Variants in ANKRD10 observed in about 807,000 individuals in gnomAD.
The protein encoded by ANKRD10 is ankyrin repeat domain 10, also known as ankyrin repeat domain-containing protein 10.
In ANKRD10, 14 loss-of-function variants were observed where a neutral mutation model predicts 27.0. The ratio of observed to expected loss-of-function variants is 0.52; its 90% CI spans 0.34 to 0.81. The LOEUF is 0.81. Among genes scored for constraint, ANKRD10 ranks in the 40% least tolerant of loss-of-function variants. The probability of loss-of-function intolerance (pLI) is 0.01; values close to 1 mark genes in which losing one functional copy is unlikely to be tolerated. For synonymous variants in ANKRD10, 250 were observed against 224.5 expected (o/e 1.11, Z -1.01); for missense variants, 493 against 544.0 (o/e 0.91, Z 0.93).
In ANKRD10 at chr13:110,880,069, T is replaced by G. The variant is rs570992556; in HGVS notation, c.831A>C (p.Gly277=). ...AGTCCAAATGTCCATTGATGACACATCCATTTGTCAATGTATTCGATACGG... is the reference window on the plus strand; with the variant it reads ...AGTCCAAATGTCCATTGATGACACAGCCATTTGTCAATGTATTCGATACGG... ...SSSVSNTLTN[G]CVINGHLDFP... The change falls in exon 6 of 6, where the codon GGA becomes GGC. Residue 277 remains glycine, a synonymous_variant. Coordinates refer to ENST00000267339, the MANE Select transcript of ANKRD10 (RefSeq NM_017664.4). 1 of 1,614,052 alleles carries G rather than the reference T, an allele frequency of 6.2e-7. No individual in the cohort carries two copies. The highest frequency in any genetic ancestry group is 1.3e-5 in the African/African-American group (1 of 74,920).
intron 5 of ANKRD10, among the ~76,000 whole-genome samples, chr13:110,882,153 C>A (rs1350117115): frequency 6.6e-6 from 1 of 152,190 alleles, no homozygotes; most frequent in African/African-American, 2.4e-5. Flanking sequence ...GGACACTTGA[C>A]CCTCCCGAGT....
chr13:110,907,876 T>C (rs1371173882), intron 2 of ANKRD10, among the ~76,000 whole-genome samples: 1 of 149,998 alleles, frequency 6.7e-6, no homozygotes, highest in East Asian at 2.0e-4. Flanking sequence ...AGAAAAAGGC[T>C]AAAAAGGAAA....
At chr13:110,887,191 C>A (rs888274226) in intron 4 of ANKRD10, among the ~76,000 whole-genome samples, 6 of 152,200 alleles carry the variant, frequency 3.9e-5, no homozygotes, top group African/African-American at 4.8e-5. Context: ...AAACGGTCTG[C>A]ATTTGTATTT....
intron 4 of ANKRD10, among the ~76,000 whole-genome samples, chr13:110,887,472 G>A (rs1367941061): frequency 1.3e-5 from 2 of 152,146 alleles, no homozygotes; most frequent in African/African-American, 4.8e-5. Flanking sequence ...GTAATTGCCA[G>A]GCATGCCTGC....
At chr13:110,897,488 T>C (rs557473164) in intron 3 of ANKRD10, among the ~76,000 whole-genome samples, 3 of 152,156 alleles carry the variant, frequency 2.0e-5, no homozygotes, top group Admixed American at 1.3e-4. Flanking sequence ...TGTGCCTGGC[T>C]TACTTAACAT....
intron 1 of ANKRD10, 178 bp downstream of exon 1, chr13:110,914,547 C>G: frequency 1.1e-6 from 1 of 891,874 alleles, no homozygotes; most frequent in East Asian, 3.5e-5. Context: ...CCCGCCGCGA[C>G]TCCGGGCCGC....
At chr13:110,903,995 G>C (rs539086917) in intron 3 of ANKRD10, 3 of 152,292 alleles carry the variant, frequency 2.0e-5, no homozygotes, top group African/African-American at 7.2e-5. Context: ...CACGTTGGTG[G>C]ACTAAATGGG....
intron 3 of ANKRD10, among the ~76,000 whole-genome samples, chr13:110,902,695 C>G (rs2065418545): frequency 6.6e-6 from 1 of 152,172 alleles, no homozygotes; most frequent in African/African-American, 2.4e-5. Context: ...AATGGCTTCT[C>G]AAGAAATCCT....
At chr13:110,891,691 CTCA>C (rs2065077326) in intron 4 of ANKRD10, among the ~76,000 whole-genome samples, 1 of 152,050 alleles carries the variant, frequency 6.6e-6, no homozygotes, top group Non-Finnish European at 1.5e-5. Context: ...CTGATAGTCA[CTCA>C]GTTTTCCTTA....
chr13:110,901,708 G>T (rs922825396), intron 3 of ANKRD10, among the ~76,000 whole-genome samples: 2 of 152,188 alleles, frequency 1.3e-5, no homozygotes, highest in Middle Eastern at 3.4e-3. Context: ...CTTAACAACC[G>T]GAAAATAGCC....
At chr13:110,897,836 G>C (rs1480638920) in intron 3 of ANKRD10, among the ~76,000 whole-genome samples, 1 of 152,100 alleles carries the variant, frequency 6.6e-6, no homozygotes, top group African/African-American at 2.4e-5. Flanking sequence ...ACGTTCCTTT[G>C]CCTCTGCATT....
In ANKRD10 at chr13:110,883,740, C is replaced by T. The variant is rs2064861447; in HGVS notation, c.745G>A (p.Ala249Thr). 6.2e-7 allele frequency: 1 copy of T among 1,614,080 alleles called. No homozygotes were observed. Among genetic ancestry groups the T allele is most frequent in the African/African-American group, 1.3e-5 (1 of 74,930 alleles). The stretch of plus-strand genomic sequence containing the variant: ...TCCCTATCAACGTGCATTTTGTCAG[C>T]ATCGTCTTCTGTGTCGCCATTCGTG... Reference protein sequence around the residue: ...PLTNGDTEDDADKMHVDREFA... With the variant: ...PLTNGDTEDDTDKMHVDREFA... The change falls in exon 5 of 6, where the codon GCT (alanine) becomes ACT (threonine). Residue 249 changes from alanine (A) to threonine (T), a missense_variant. Ala to Thr is a moderately conservative substitution (Grantham distance 58, BLOSUM62 0). Transcript: ENST00000267339.
At chr13:110,881,966 C>T (rs544179059) in intron 5 of ANKRD10, among the ~76,000 whole-genome samples, 2 of 152,274 alleles carry the variant, frequency 1.3e-5, no homozygotes, top group African/African-American at 4.8e-5. Context: ...CAGCTGCCAG[C>T]CAAGACCCGC....
chr13:110,906,681 T>C (rs1009065452), intron 2 of ANKRD10, among the ~76,000 whole-genome samples: 1 of 152,150 alleles, frequency 6.6e-6, no homozygotes, highest in Non-Finnish European at 1.5e-5. Context: ...TGATCTATTT[T>C]TCAGTATTTA....
chr13:110,912,083 T>C (rs2065730249), intron 1 of ANKRD10, among the ~76,000 whole-genome samples: 1 of 152,352 alleles, frequency 6.6e-6, no homozygotes, highest in South Asian at 2.1e-4. Flanking sequence ...TAAAATAATT[T>C]AGCGCATTCA....
At chr13:110,889,407 CCA>C (rs1444645343) in intron 4 of ANKRD10, among the ~76,000 whole-genome samples, 2 of 152,326 alleles carry the variant, frequency 1.3e-5, no homozygotes, top group African/African-American at 4.8e-5. Flanking sequence ...ATTTCACACT[CCA>C]GAGTTCATGT....
At chr13:110,903,543 C>T (rs978385896) in intron 3 of ANKRD10, 1 of 154,642 alleles carries the variant, frequency 6.5e-6, no homozygotes, top group African/African-American at 2.4e-5. Context: ...ATGCAACCTA[C>T]ATTAACAAGT....
chr13:110,900,562 C>T (rs1030829425), intron 3 of ANKRD10: 16 of 1,347,792 alleles, frequency 1.2e-5, no homozygotes, highest in Non-Finnish European at 1.4e-5. Context: ...AGAAAGGAAG[C>T]GATACTGAAC....
At chr13:110,882,845 C>A (rs1429536217) in intron 5 of ANKRD10, among the ~76,000 whole-genome samples, 3 of 151,456 alleles carry the variant, frequency 2.0e-5, no homozygotes, top group Non-Finnish European at 4.4e-5. Flanking sequence ...TTTTTTTCAT[C>A]CCCAGTGAAG....
Sources: gnomAD v4.1 joint callset for allele counts (sites outside exome capture counted in the v4.1 genomes callset) on GRCh38, gnomAD v4.1.1 for gene constraint, MANE v1.5 for transcripts, NCBI Gene and HGNC (gene_info 2026-07-23, HGNC 2026-07-21) for gene names.